SHISA2: variants seen among roughly 807,000 people sequenced by gnomAD.
The protein encoded by SHISA2 is shisa family member 2, also known as protein shisa-2 homolog.
SHISA2 carries 16 observed loss-of-function variants against 23.8 expected under a neutral mutation model. The ratio of observed to expected loss-of-function variants is 0.67; its 90% CI spans 0.46 to 1.02. The LOEUF is 1.02. Ranked by LOEUF, SHISA2 falls within the 50% of genes least tolerant of loss-of-function variation. SHISA2 has a pLI of 0.00. For synonymous variants in SHISA2, 201 were observed against 178.6 expected (o/e 1.13, Z -1.00); for missense variants, 459 against 420.1 (o/e 1.09, Z -0.81).
Position 26,046,962 on chromosome 13 carries a change from G to C in SHISA2, c.439C>G (p.Gln147Glu), listed in dbSNP as rs1365234591. 6.2e-7 allele frequency: 1 copy of C among 1,611,616 alleles called. No individual in the cohort carries two copies. The highest frequency in any genetic ancestry group is 8.5e-7 in the Non-Finnish European group (1 of 1,178,308). The change falls in exon 2 of 2, where the codon CAG becomes GAG. Residue 147 changes from glutamine (Q) to glutamate (E), a missense_variant. Coordinates refer to ENST00000319420, the MANE Select transcript of SHISA2 (RefSeq NM_001007538.2). Reference protein sequence around the residue: ...ACCCRCLRPKQDPQQSRAPGG... With the variant: ...ACCCRCLRPKEDPQQSRAPGG... ...GGGGCTCGGCTCTGCTGGGGATCCTGCTTAGGCCGGAGACATCTGCAGCAA... is the reference window on the plus strand; with the variant it reads ...GGGGCTCGGCTCTGCTGGGGATCCTCCTTAGGCCGGAGACATCTGCAGCAA...
intron 1 of SHISA2, 96 bp from the exon 2 acceptor site, chr13:26,047,162 G>A (rs1212049575): frequency 2.3e-6 from 3 of 1,277,712 alleles, no homozygotes; most frequent in Admixed American, 2.9e-5. Flanking sequence ...GAGCAACACT[G>A]ATACCCACAG....
rs1005023092 is a variant in SHISA2, at chr13:26,044,977, G to A, written c.*1536C>T. ...AGAGGAAATCAAGAACAGTGTGGGA[G>A]AAGAAAGGCAATCCTTCGTTGAAAA... is the stretch of plus-strand genomic sequence containing the variant. On this transcript the variant is annotated 3_prime_UTR_variant, in exon 2 of 2. Coordinates refer to ENST00000319420, the MANE Select transcript of SHISA2 (RefSeq NM_001007538.2). 2.0e-5 allele frequency: 3 copies of A among 152,210 alleles called. No homozygotes were observed. The highest frequency in any genetic ancestry group is 7.2e-5 in the African/African-American group (3 of 41,462). The allele number at this position is 152,210 out of a possible 1,614,324, so 9.4% of individuals were successfully genotyped here.
chr13:26,046,786 G>T lies in SHISA2; in HGVS notation c.615C>A (p.Asn205Lys), dbSNP rs77010561. Residue 205 changes from asparagine to lysine, a missense_variant, in exon 2 of 2, where the codon AAC becomes AAA. Physicochemically the swap from Asn to Lys is moderately conservative, Grantham distance 94. Transcript: ENST00000319420. ...ARAPPTRSQT[N>K]CCLPEGTMNN... ...TCATGGTCCCTTCCGGCAAGCAACAGTTGGTCTGTGACCTTGTTGGGGGCG... is the reference window on the plus strand; with the variant it reads ...TCATGGTCCCTTCCGGCAAGCAACATTTGGTCTGTGACCTTGTTGGGGGCG... 6.2e-7 allele frequency: 1 copy of T among 1,614,212 alleles called. No individual in the cohort carries two copies. Among genetic ancestry groups the T allele is most frequent in the African/African-American group, 1.3e-5 (1 of 75,054 alleles).
At chr13:26,049,870 A>ACACACG (rs1477295693) in intron 1 of SHISA2, among the ~76,000 whole-genome samples, 6 of 101,568 alleles carry the variant, frequency 5.9e-5, no homozygotes, top group Non-Finnish European at 1.4e-4. Context: ...AATAACACAC[A>ACACACG]CACACACACA....
At chr13:26,048,184 T>C (rs1281783730) in intron 1 of SHISA2, among the ~76,000 whole-genome samples, 1 of 151,908 alleles carries the variant, frequency 6.6e-6, no homozygotes, top group Non-Finnish European at 1.5e-5. Flanking sequence ...GCACCTATAA[T>C]CCCAGCTACT....
rs377134787 is a variant in SHISA2, at chr13:26,046,818, C to T, written c.583G>A (p.Ala195Thr). ...TGTGACCTTGTTGGGGGCGCCCGGG[C>T]CCCTGAGTTGGCGCTGGAGCTGGAA... ...ASSSSSANSG[A>T]RAPPTRSQTN... is the part of the protein sequence containing the mutation. The change falls in exon 2 of 2, where the codon GCC becomes ACC. Residue 195 changes from alanine to threonine, a missense_variant. Transcript: ENST00000319420. 1.2e-5 allele frequency: 20 copies of T among 1,613,998 alleles called. No homozygotes were observed. The African/African-American group carries it at 2.3e-4, about 18-fold the overall frequency.
intron 1 of SHISA2, among the ~76,000 whole-genome samples, chr13:26,049,167 G>C (rs1367536613): frequency 1.3e-5 from 2 of 152,152 alleles, no homozygotes; most frequent in Non-Finnish European, 2.9e-5. Flanking sequence ...TGAGTTTTGG[G>C]GAGAAATAAG....
intron 1 of SHISA2, among the ~76,000 whole-genome samples, chr13:26,047,722 G>A (rs1957277072): frequency 6.6e-6 from 1 of 152,178 alleles, no homozygotes; most frequent in African/African-American, 2.4e-5. Flanking sequence ...GTCCTTGGGT[G>A]GCATTGGGTC....
intron 1 of SHISA2, among the ~76,000 whole-genome samples, chr13:26,049,381 G>A (rs1291258089): frequency 6.6e-6 from 1 of 152,198 alleles, no homozygotes; most frequent in East Asian, 1.9e-4. Flanking sequence ...AGGGCGTCAT[G>A]AGAAGTCTCG....
In SHISA2 at chr13:26,051,453, C is replaced by T. The variant is rs986353665; in HGVS notation, c.-478G>A. Among the ~76,000 whole-genome samples the T allele has an allele frequency of 6.6e-6, 1 of 152,198 alleles. No homozygotes were observed. The highest frequency in any genetic ancestry group is 2.4e-5 in the African/African-American group (1 of 41,466). On this transcript the variant is annotated 5_prime_UTR_variant, in exon 1 of 2. Coordinates refer to ENST00000319420, the MANE Select transcript of SHISA2 (RefSeq NM_001007538.2). ...GCCCGTCTCCCCTCCTTTATTCCCT[C>T]CTCGGGCGGGTAGAAGGGGCGAAGG... is the stretch of plus-strand genomic sequence containing the variant.
At position 26,051,130 on chromosome 13, in the gene SHISA2, G is replaced by C. The variant is rs1957301162; in HGVS notation, c.-155C>G. ...TCTGCCGCGACGCCCAGGAGGCGAC[G>C]ACGCCGGGCCCTAGGTCCAGGAGCT... is the stretch of plus-strand genomic sequence containing the variant. On this transcript the variant is annotated 5_prime_UTR_variant, in exon 1 of 2. Transcript: ENST00000319420. 1 of 643,786 alleles carries C rather than the reference G, an allele frequency of 1.6e-6. No homozygotes were observed. The allele number at this position is 643,786 out of a possible 1,614,324, so 39.9% of individuals were successfully genotyped here.
rs187114012 is a variant in SHISA2 at position 26,046,660 on chromosome 13, G to A, written c.741C>T (p.Tyr247=). 9.4e-5 allele frequency: 152 copies of A among 1,614,232 alleles called. No individual in the cohort carries two copies. The highest frequency in any genetic ancestry group is 1.3e-5 in the African/African-American group (1 of 75,070). Residue 247 remains tyrosine (Y), a synonymous_variant, in exon 2 of 2, where the codon TAC becomes TAT. Coordinates refer to ENST00000319420, the MANE Select transcript of SHISA2 (RefSeq NM_001007538.2). ...PHQGQYLHPP[Y]VGYTVQHDSV... is the part of the protein sequence containing the mutation. ...AGTCGTGCTGCACCGTGTACCCCAC[G>A]TATGGGGGATGCAGATACTGCCCTT...
At chr13:26,049,990 CT>C (rs1255792070) in intron 1 of SHISA2, among the ~76,000 whole-genome samples, 3 of 151,736 alleles carry the variant, frequency 2.0e-5, no homozygotes, top group Non-Finnish European at 4.4e-5. Flanking sequence ...CACGGGTTTA[CT>C]TTCCAACTCT....
intron 1 of SHISA2, among the ~76,000 whole-genome samples, chr13:26,049,863 A>AACACACACACACAC (rs57979033): frequency 0.073 from 9,921 of 135,838 alleles, 699 homozygotes; most frequent in Admixed American, 0.086. Context: ...CGAAATAAAT[A>AACACACACACACAC]ACACACACAC....
intron 1 of SHISA2, among the ~76,000 whole-genome samples, chr13:26,049,895 C>CACACACACAA (rs1957289780): frequency 6.8e-6 from 1 of 148,072 alleles, no homozygotes; most frequent in Non-Finnish European, 1.5e-5. Context: ...CACACACACA[C>CACACACACAA]ACACACGGAG....
chr13:26,049,160 G>A (rs1291243633), intron 1 of SHISA2, among the ~76,000 whole-genome samples: 1 of 152,208 alleles, frequency 6.6e-6, no homozygotes, highest in African/African-American at 2.4e-5. Context: ...CACATAATGA[G>A]TTTTGGGGAG....
intron 1 of SHISA2, 146 bp from the exon 2 acceptor site, chr13:26,047,212 G>GC: frequency 1.2e-6 from 1 of 849,322 alleles, no homozygotes; most frequent in South Asian, 2.0e-5. Flanking sequence ...CACATATTAG[G>GC]AGTCCATAAG....
rs899402611 is a variant in SHISA2, at chr13:26,045,584, G to A, written c.*929C>T. ...AATGTAGAAAATCACTTTGTAATAA[G>A]ATCTCTACATAAGGTAAAAAAGCAC... On this transcript the variant is annotated 3_prime_UTR_variant, in exon 2 of 2. Coordinates refer to ENST00000319420, the MANE Select transcript of SHISA2 (RefSeq NM_001007538.2). 1 of 152,004 alleles carries A rather than the reference G, an allele frequency of 6.6e-6. No homozygotes were observed. Among genetic ancestry groups the A allele is most frequent in the African/African-American group, 2.4e-5 (1 of 41,374 alleles). 9.4% of individuals were successfully genotyped at this position (152,004 alleles called of 1,614,324 possible).
chr13:26,048,938 A>G (rs1299784584), intron 1 of SHISA2, among the ~76,000 whole-genome samples: 1 of 152,226 alleles, frequency 6.6e-6, no homozygotes, highest in African/African-American at 2.4e-5. Context: ...GCCCAGCAGT[A>G]GAACTGTCCT....
Sources: gnomAD v4.1 joint callset for allele counts (sites outside exome capture counted in the v4.1 genomes callset) on GRCh38, gnomAD v4.1.1 for gene constraint, MANE v1.5 for transcripts, NCBI Gene and HGNC (gene_info 2026-07-23, HGNC 2026-07-21) for gene names.